The following VTI1A variants were observed in gnomAD, a reference collection of about 807,000 sequenced individuals.
VTI1A encodes the protein vesicle transport through interaction with t-SNAREs 1A, also known as vesicle transport through interaction with t-SNAREs homolog 1A.
VTI1A carries 22 observed loss-of-function variants against 34.9 expected under a neutral mutation model. The observed-to-expected ratio is 0.63, with a 90% CI of 0.45 to 0.90. The LOEUF (loss-of-function observed/expected upper bound fraction) is 0.90. Ranked by LOEUF, VTI1A falls within the 40% of genes least tolerant of loss-of-function variation. VTI1A has a pLI of 0.00. For synonymous variants in VTI1A, 87 were observed against 97.3 expected (o/e 0.89, Z 0.62); for missense variants, 268 against 275.6 (o/e 0.97, Z 0.20).
intron 7 of VTI1A, among the ~76,000 whole-genome samples, chr10:112,745,919 AT>A (rs1850879519): frequency 6.6e-6 from 1 of 152,216 alleles, no homozygotes; most frequent in Non-Finnish European, 1.5e-5. Context: ...CAGAGCTAGG[AT>A]TTAAACTCAA....
At chr10:112,520,639 G>GTATATATA (rs1485151139) in intron 3 of VTI1A, among the ~76,000 whole-genome samples, 19 of 128,250 alleles carry the variant, frequency 1.5e-4, no homozygotes, top group African/African-American at 5.1e-4. Flanking sequence ...GTGTGTGTGT[G>GTATATATA]TGTGTGTGTA....
At chr10:112,737,671 C>T in intron 7 of VTI1A, 5 of 1,054,616 alleles carry the variant, frequency 4.7e-6, no homozygotes, top group Non-Finnish European at 5.7e-6. Context: ...CAAGAGCACT[C>T]CATCCATGTG....
intron 3 of VTI1A, among the ~76,000 whole-genome samples, chr10:112,474,788 A>G (rs1450025135): frequency 1.3e-5 from 2 of 152,174 alleles, no homozygotes; most frequent in Non-Finnish European, 2.9e-5. Flanking sequence ...TTGGTTCTCC[A>G]TTACTAAGGC....
chr10:112,740,618 A>G (rs7916159), intron 7 of VTI1A, among the ~76,000 whole-genome samples: 22,983 of 152,254 alleles, frequency 0.15, 3,796 homozygotes, highest in African/African-American at 0.41. Context: ...TTTGAACCAC[A>G]GTGAGATACT....
intron 7 of VTI1A, among the ~76,000 whole-genome samples, chr10:112,747,732 G>A (rs1238357158): frequency 6.6e-6 from 1 of 152,168 alleles, no homozygotes; most frequent in African/African-American, 2.4e-5. Flanking sequence ...GTAGAAGGAG[G>A]CCCTCAAAGA....
intron 3 of VTI1A, among the ~76,000 whole-genome samples, chr10:112,517,832 C>G (rs1300640366): frequency 1.3e-5 from 2 of 151,978 alleles, no homozygotes; most frequent in Non-Finnish European, 2.9e-5. Context: ...GAAACTACTA[C>G]AGCCTAAGAA....
At chr10:112,785,308 G>A (rs1316677553) in intron 7 of VTI1A, among the ~76,000 whole-genome samples, 1 of 152,142 alleles carries the variant, frequency 6.6e-6, no homozygotes, top group Non-Finnish European at 1.5e-5. Context: ...ATGACCAGAG[G>A]CAATGCAGAG....
At chr10:112,702,121 G>A (rs940734803) in intron 7 of VTI1A, among the ~76,000 whole-genome samples, 1 of 152,132 alleles carries the variant, frequency 6.6e-6, no homozygotes, top group Non-Finnish European at 1.5e-5. Flanking sequence ...GGGCTGTGGG[G>A]TGCAGCAGTC....
At chr10:112,828,406 T>TATG in the VTI1A span, among the ~76,000 whole-genome samples, 2 of 151,434 alleles carry the variant, frequency 1.3e-5, no homozygotes, top group South Asian at 4.2e-4. Context: ...TTAAAATTAT[T>TATG]ATTATTATTA....
the VTI1A span, among the ~76,000 whole-genome samples, chr10:112,842,770 T>C: frequency 6.6e-6 from 1 of 152,226 alleles, no homozygotes; most frequent in Non-Finnish European, 1.5e-5. Context: ...TTTGGCAACA[T>C]GGAGAATATC....
intron 7 of VTI1A, among the ~76,000 whole-genome samples, chr10:112,687,484 C>T (rs1256259183): frequency 6.6e-6 from 1 of 151,704 alleles, no homozygotes; most frequent in Non-Finnish European, 1.5e-5. Context: ...CTGCCCGCCT[C>T]GGCCTCCCAA....
chr10:112,494,594 C>T (rs1047052477), intron 3 of VTI1A, among the ~76,000 whole-genome samples: 2 of 152,142 alleles, frequency 1.3e-5, no homozygotes, highest in Non-Finnish European at 2.9e-5. Context: ...CTGCAACCTC[C>T]GCCTCCCAGG....
At chr10:112,602,246 C>T (rs1283112102) in intron 5 of VTI1A, among the ~76,000 whole-genome samples, 3 of 152,164 alleles carry the variant, frequency 2.0e-5, no homozygotes, top group African/African-American at 7.2e-5. Flanking sequence ...TGACCTCAAC[C>T]TTGCTTGCTC....
In VTI1A at chr10:112,634,494, C is replaced by T. The variant is rs1846264483; in HGVS notation, c.428-33724C>T. 4.2e-5 allele frequency among the ~76,000 whole-genome samples: 5 copies of T among 117,808 alleles called. No individual in the cohort carries two copies. The South Asian group carries it at 1.4e-3, about 33-fold the overall frequency. 77.3% of individuals were successfully genotyped at this position (117,808 alleles called of 152,430 possible). On this transcript the variant is annotated intron_variant, in intron 5 of 7. Coordinates refer to ENST00000393077, the MANE Select transcript of VTI1A (RefSeq NM_145206.4). ...TTGCCTCTCGGTGGTTATACACACA[C>T]ACACAGACACACACACACATACACA...
intron 7 of VTI1A, among the ~76,000 whole-genome samples, chr10:112,746,220 C>G (rs1312381409): frequency 3.3e-5 from 5 of 152,198 alleles, no homozygotes; most frequent in Admixed American, 3.3e-4. Context: ...TGCCTCTACT[C>G]CACCCATGTT....
intron 3 of VTI1A, among the ~76,000 whole-genome samples, chr10:112,473,038 C>T (rs1461368135): frequency 6.8e-6 from 1 of 146,614 alleles, no homozygotes; most frequent in South Asian, 2.1e-4. Context: ...TTCCAATCTT[C>T]TCTCCCCTTC....
chr10:112,754,327 G>T (rs1406170241), intron 7 of VTI1A, among the ~76,000 whole-genome samples: 1 of 151,994 alleles, frequency 6.6e-6, no homozygotes, highest in East Asian at 1.9e-4. Flanking sequence ...TTTCGATTCA[G>T]ACTCCCTCTA....
chr10:112,801,435 C>T (rs1016201156), intron 7 of VTI1A, among the ~76,000 whole-genome samples: 7 of 152,152 alleles, frequency 4.6e-5, no homozygotes, highest in Non-Finnish European at 8.8e-5. Flanking sequence ...CTCTTCACAA[C>T]CCTCGCAGAA....
chr10:112,736,658 T>G lies in VTI1A; in HGVS notation c.560+67660T>G. 4 of 1,548,898 alleles carry G rather than the reference T, an allele frequency of 2.6e-6. No individual in the cohort carries two copies. The South Asian group carries it at 3.6e-5, about 14-fold the overall frequency. On this transcript the variant is annotated intron_variant, in intron 7 of 7. Transcript: ENST00000393077. Reference sequence around the variant, plus strand: ...CAAAATTGGAAACAAGTATACAAACTAGTGCATTTAGCAATGAGGGATGGT... The same window carrying G: ...CAAAATTGGAAACAAGTATACAAACGAGTGCATTTAGCAATGAGGGATGGT...
Sources: allele counts gnomAD v4.1 joint callset (sites outside exome capture counted in the v4.1 genomes callset), GRCh38; gene constraint gnomAD v4.1.1; transcripts MANE v1.5; gene names NCBI Gene and HGNC (gene_info 2026-07-23, HGNC 2026-07-21).